The following KLHL22 variants were observed in gnomAD, a reference collection of about 807,000 sequenced individuals.
KLHL22 encodes the protein kelch-like protein 22.
A neutral mutation model predicts 60.7 loss-of-function variants in KLHL22; 18 were observed. The observed-to-expected ratio is 0.30, with a 90% CI of 0.20 to 0.44. The LOEUF is 0.44. Ranked by LOEUF, KLHL22 falls within the 20% of genes least tolerant of loss-of-function variation. The pLI, the probability that KLHL22 is intolerant of heterozygous loss-of-function variation, is 1.00. For synonymous variants in KLHL22, 355 were observed against 354.5 expected (o/e 1.00, Z -0.01); for missense variants, 596 against 852.3 (o/e 0.70, Z 3.74).
Position 20,442,403 on chromosome 22 carries a change from T to C in KLHL22, c.1575A>G (p.Ser525=), listed in dbSNP as rs751353153. The C allele has an allele frequency of 1.9e-6, 3 of 1,611,672 alleles. No homozygotes were observed. Among genetic ancestry groups the C allele is most frequent in the Non-Finnish European group, 2.5e-6 (3 of 1,178,730 alleles). The part of the protein sequence containing the change: ...ACYSCTSGQW[S]SVCPLPAGHG... ...GCCCAGCAGGGAGTGGGCAGACAGA[T>C]GACCACTGTCCAGACGTGCAGCTGT... is the stretch of plus-strand genomic sequence containing the variant. Residue 525 remains serine, a synonymous_variant, in exon 7 of 7, where the codon TCA becomes TCG. Coordinates refer to ENST00000328879, the MANE Select transcript of KLHL22 (RefSeq NM_032775.4).
chr22:20,465,302 C>T lies in KLHL22; in HGVS notation c.668G>A (p.Ser223Asn). Residue 223 changes from serine (S) to asparagine (N), a missense_variant, in exon 4 of 7, where the codon AGC (serine) becomes AAC (asparagine). Physicochemically the swap from Ser to Asn is conservative, Grantham distance 46 (BLOSUM62 1). Transcript: ENST00000328879. This position sits in a 1 kb window ranked among gnomAD's most constrained non-coding sequence, Gnocchi z 4.9. ...VYEGALLYHYSLEQVQADQIS... is the reference protein window; with the variant it reads ...VYEGALLYHYNLEQVQADQIS... ...CTGGTCAGCCTGCACCTGCTCCAGG[C>T]TATAATGGTAGAGAAGGGCCCCCTC... The T allele has an allele frequency of 6.2e-7, 1 of 1,614,116 alleles. No homozygotes were observed. Among genetic ancestry groups the T allele is most frequent in the Non-Finnish European group, 8.5e-7 (1 of 1,180,016 alleles).
At chr22:20,480,479 C>T (rs1644221790) in intron 2 of KLHL22, among the ~76,000 whole-genome samples, 1 of 152,174 alleles carries the variant, frequency 6.6e-6, no homozygotes, top group Non-Finnish European at 1.5e-5. Flanking sequence ...TGCCTGGGAC[C>T]TCCAGGATGT....
At chr22:20,494,074 G>GC (rs35792870) in intron 1 of KLHL22, among the ~76,000 whole-genome samples, 78,761 of 122,010 alleles carry the variant, frequency 0.65, 25,118 homozygotes, top group Admixed American at 0.74. Context: ...GCCAGACTTT[G>GC]CCCCCCCCCC....
chr22:20,488,643 T>C, intron 2 of KLHL22: 1 of 258,198 alleles, frequency 3.9e-6, no homozygotes, highest in African/African-American at 3.3e-5. Context: ...AGGTGATGCA[T>C]ACACAGCAAT....
intron 5 of KLHL22, among the ~76,000 whole-genome samples, chr22:20,447,304 C>A (rs370281717): frequency 6.6e-6 from 1 of 152,214 alleles, no homozygotes; most frequent in Admixed American, 6.5e-5. Context: ...CCCACTCACA[C>A]CCAGCAGGCC....
intron 2 of KLHL22, among the ~76,000 whole-genome samples, chr22:20,474,027 T>G (rs2053369175): frequency 1.3e-5 from 2 of 152,198 alleles, no homozygotes; most frequent in Non-Finnish European, 1.5e-5. Context: ...TGAGACGAAG[T>G]CTCACTCTGT....
At position 20,442,044 on chromosome 22, in the gene KLHL22, C is replaced by G. The variant is rs2052766504; in HGVS notation, c.*29G>C. The G allele has an allele frequency of 6.7e-7, 1 of 1,490,850 alleles. No individual in the cohort carries two copies. Among genetic ancestry groups the G allele is most frequent in the East Asian group, 2.4e-5 (1 of 41,660 alleles). The allele number at this position is 1,490,850 out of a possible 1,614,324, so 92.4% of individuals were successfully genotyped here. A position where few individuals can be genotyped will look rare whatever the true frequency, so the allele number is the denominator to read the frequency against. ...TTCACTGCCCTGCAGCCCCAGCCTC[C>G]CTTCCCTCTGATGCCAGGCACAGGG... On this transcript the variant is annotated 3_prime_UTR_variant, in exon 7 of 7. Coordinates refer to ENST00000328879, the MANE Select transcript of KLHL22 (RefSeq NM_032775.4).
chr22:20,472,740 CATAT>C (rs769020801), intron 2 of KLHL22, among the ~76,000 whole-genome samples: 15 of 151,970 alleles, frequency 9.9e-5, no homozygotes, highest in Admixed American at 1.3e-4. Flanking sequence ...AACATATATA[CATAT>C]ATAAATAAAT....
intron 1 of KLHL22, among the ~76,000 whole-genome samples, chr22:20,489,445 G>A (rs564808482): frequency 6.6e-6 from 1 of 152,194 alleles, no homozygotes; most frequent in South Asian, 2.1e-4. Context: ...CTGATGACCT[G>A]TGTGCCATCA....
chr22:20,489,016 T>C lies in KLHL22; in HGVS notation c.196A>G (p.Ile66Val). 2 of 1,614,028 alleles carry C rather than the reference T, an allele frequency of 1.2e-6. No individual in the cohort carries two copies. The highest frequency in any genetic ancestry group is 1.7e-6 in the Non-Finnish European group (2 of 1,180,032). ...TAATCGCAGGACGCAGCCAGCAGGA[T>C]GCGATGGGCCTCGATGTGTCTGCCC... The part of the protein sequence containing the change: ...VEGRHIEAHR[I>V]LLAASCDYFR... Residue 66 changes from isoleucine (I) to valine (V), a missense_variant, in exon 2 of 7, where the codon ATC becomes GTC. Ile to Val is a conservative substitution (Grantham distance 29). Transcript: ENST00000328879.
Position 20,489,191 on chromosome 22 carries a change from G to A in KLHL22, c.21C>T (p.Phe7=), listed in dbSNP as rs1364431226. 27 of 1,614,032 alleles carry A rather than the reference G, an allele frequency of 1.7e-5. No homozygotes were observed. The highest frequency in any genetic ancestry group is 2.3e-5 in the Non-Finnish European group (27 of 1,180,034). Residue 7 remains phenylalanine (F), a synonymous_variant, in exon 2 of 7, where the codon TTC becomes TTT. Coordinates refer to ENST00000328879, the MANE Select transcript of KLHL22 (RefSeq NM_032775.4). MAEEQE[F]TQLCKLPAQP... is the part of the protein sequence containing the mutation. ...GTGCAGGCAACTTGCAGAGCTGGGT[G>A]AACTCCTGCTCCTCTGCCATCCTGA...
In KLHL22 at chr22:20,446,694, G is replaced by T; in HGVS notation, c.1306-18C>A. On this transcript the variant is annotated intron_variant, in intron 5 of 6. Transcript: ENST00000328879. ...GCATACACCTGTGTGGAGCCACCAG[G>T]AGAAATGGCGTGAGAGGGCAGTGAG... 6.3e-7 allele frequency: 1 copy of T among 1,598,318 alleles called. No individual in the cohort carries two copies. Among genetic ancestry groups the T allele is most frequent in the Non-Finnish European group, 8.5e-7 (1 of 1,172,656 alleles).
At chr22:20,482,821 T>C (rs2053526504) in intron 2 of KLHL22, 6 of 1,265,722 alleles carry the variant, frequency 4.7e-6, no homozygotes, top group Non-Finnish European at 6.8e-6. Context: ...TGGCTTAATG[T>C]CTCAGAACTT....
At chr22:20,473,576 A>C (rs2053361433) in intron 2 of KLHL22, among the ~76,000 whole-genome samples, 1 of 152,192 alleles carries the variant, frequency 6.6e-6, no homozygotes, top group Non-Finnish European at 1.5e-5. Context: ...TACCAGATTT[A>C]AAATACAGTA....
At chr22:20,445,124 A>G (rs2052836209) in intron 6 of KLHL22, among the ~76,000 whole-genome samples, 1 of 151,924 alleles carries the variant, frequency 6.6e-6, no homozygotes, top group Non-Finnish European at 1.5e-5. Context: ...GGCAGAAAAC[A>G]TACACGGTCA....
rs1411440026 is a variant in KLHL22 at position 20,495,499 on chromosome 22, G to A, written c.-34+261C>T. On this transcript the variant is annotated intron_variant, in intron 1 of 6. Transcript: ENST00000328879. This position sits in a 1 kb window ranked among gnomAD's most constrained non-coding sequence, Gnocchi z 4.6. ...GCGCGCCAGCAGCCGCGCTGAGGAG[G>A]CCTCGCACCCTGGCCCCTGGCCGAG... 6.6e-6 allele frequency among the ~76,000 whole-genome samples: 1 copy of A among 151,824 alleles called. No individual in the cohort carries two copies. Among genetic ancestry groups the A allele is most frequent in the Non-Finnish European group, 1.5e-5 (1 of 67,920 alleles).
At chr22:20,485,139 T>C (rs1034753035) in intron 2 of KLHL22, among the ~76,000 whole-genome samples, 8 of 152,152 alleles carry the variant, frequency 5.3e-5, no homozygotes, top group Admixed American at 1.3e-4. Flanking sequence ...AGCAGTCTTT[T>C]ATAATTCACA....
intron 2 of KLHL22, chr22:20,483,312 C>T (rs1431281011): frequency 1.4e-6 from 1 of 718,552 alleles, no homozygotes; most frequent in Non-Finnish European, 2.6e-6. Context: ...TGTCCAGCTC[C>T]TGTCGTTTCT....
intron 5 of KLHL22, chr22:20,450,777 G>A: frequency 7.4e-7 from 1 of 1,343,670 alleles, no homozygotes. Context: ...GCCTGCTACA[G>A]TATATGCAGA....
Sources: allele counts gnomAD v4.1 joint callset (sites outside exome capture counted in the v4.1 genomes callset), GRCh38; gene constraint gnomAD v4.1.1; non-coding constraint Gnocchi (gnomAD v3.1); transcripts MANE v1.5; gene names NCBI Gene and HGNC (gene_info 2026-07-23, HGNC 2026-07-21).